The following PLXNA4 variants were observed in gnomAD, a reference collection of about 807,000 sequenced individuals.
PLXNA4 encodes the protein plexin-A4.
A neutral mutation model predicts 191.8 loss-of-function variants in PLXNA4; 44 were observed. The ratio of observed to expected loss-of-function variants is 0.23; its 90% CI spans 0.18 to 0.29. The LOEUF is 0.29. Among genes scored for constraint, PLXNA4 ranks in the 10% least tolerant of loss-of-function variants. The probability of loss-of-function intolerance (pLI) is 1.00; values close to 1 mark genes in which losing one functional copy is unlikely to be tolerated. For synonymous variants in PLXNA4, 1,082 were observed against 1,009.5 expected, an observed-to-expected ratio of 1.07 and a Z score of -1.36; for missense variants, 1,800 against 2,488.8, an observed-to-expected ratio of 0.72 and a Z score of 5.89.
At chr7:132,179,541 A>G in intron 20 of PLXNA4, 146 bp downstream of exon 20, 2 of 1,186,534 alleles carry the variant, frequency 1.7e-6, no homozygotes, top group Non-Finnish European at 2.3e-6. Context: ...ACAGACACAC[A>G]CACCGCCAGC....
intron 4 of PLXNA4, among the ~76,000 whole-genome samples, chr7:132,276,469 G>A (rs78595397): frequency 0.013 from 1,946 of 150,692 alleles, 35 homozygotes; most frequent in African/African-American, 0.045. Context: ...TTCCCTTGGC[G>A]CCCTGCCTGT....
chr7:132,327,162 A>C (rs1205917717), intron 3 of PLXNA4, among the ~76,000 whole-genome samples: 2 of 125,538 alleles, frequency 1.6e-5, no homozygotes, highest in Non-Finnish European at 3.2e-5. Flanking sequence ...GAGGGAGAAA[A>C]GGAAGGCAAA....
At chr7:132,227,858 G>A (rs1239393678) in intron 6 of PLXNA4, among the ~76,000 whole-genome samples, 1 of 152,186 alleles carries the variant, frequency 6.6e-6, no homozygotes, top group East Asian at 1.9e-4. Flanking sequence ...AAACAAGAAT[G>A]CTTAAGGGAT....
chr7:132,368,321 A>G (rs1195719463), intron 3 of PLXNA4, among the ~76,000 whole-genome samples: 7 of 152,182 alleles, frequency 4.6e-5, no homozygotes, highest in Admixed American at 4.6e-4. Context: ...ATGAGAGAAA[A>G]GAAAAGCAAC....
intron 2 of PLXNA4, among the ~76,000 whole-genome samples, chr7:132,491,323 G>C (rs1285694926): frequency 1.3e-5 from 2 of 152,202 alleles, no homozygotes; most frequent in South Asian, 4.1e-4. Context: ...TCTTGCCAGG[G>C]AGTGTGTGAA....
chr7:132,506,822 CCTGA>C (rs1708368495), intron 2 of PLXNA4, among the ~76,000 whole-genome samples: 1 of 152,220 alleles, frequency 6.6e-6, no homozygotes, highest in Non-Finnish European at 1.5e-5. Context: ...CCGGCTGCTT[CCTGA>C]CTTTCTCACA....
chr7:132,432,627 T>C (rs954515341), intron 3 of PLXNA4, among the ~76,000 whole-genome samples: 3 of 151,992 alleles, frequency 2.0e-5, no homozygotes, highest in Non-Finnish European at 4.4e-5. Context: ...ATTTCACAGA[T>C]GGAAAAACTG....
intron 2 of PLXNA4, among the ~76,000 whole-genome samples, chr7:132,644,882 A>T (rs1170865537): frequency 1.3e-5 from 2 of 152,152 alleles, no homozygotes; most frequent in Non-Finnish European, 2.9e-5. Flanking sequence ...TCTCTCTCAT[A>T]CTTCCCAAAC....
Position 132,490,018 on chromosome 7 carries a change from T to C in PLXNA4, c.1189-544A>G, listed in dbSNP as rs140730290. Among the ~76,000 whole-genome samples the C allele has an allele frequency of 4.1e-3, 618 of 152,218 alleles. 3 individuals carry two copies. The highest frequency in any genetic ancestry group is 0.014 in the African/African-American group (579 of 41,510). On this transcript the variant is annotated intron_variant, in intron 2 of 31. Transcript: ENST00000321063. ...GACTAGGGAACTGAAAACATTAGCA[T>C]GTAAGTAGCACTATCACAACAGAGG...
chr7:132,429,211 TCCAAGCCCCAGG>T (rs1795171722), intron 3 of PLXNA4, among the ~76,000 whole-genome samples: 1 of 152,168 alleles, frequency 6.6e-6, no homozygotes, highest in African/African-American at 2.4e-5. Flanking sequence ...AACTCAGGAC[TCCAAGCCCCAGG>T]CCAACACTTT....
chr7:132,164,487 C>T (rs751678), intron 23 of PLXNA4, among the ~76,000 whole-genome samples, 199 bp from the exon 24 acceptor site: 1,675 of 152,280 alleles, frequency 0.011, 32 homozygotes, highest in African/African-American at 0.038. Context: ...GCTCTTTGGA[C>T]CACAGGGTCT....
At chr7:132,460,331 CT>C (rs770340734) in intron 3 of PLXNA4, among the ~76,000 whole-genome samples, 64 of 151,618 alleles carry the variant, frequency 4.2e-4, no homozygotes, top group Non-Finnish European at 7.2e-4. Flanking sequence ...TGCCACTGCA[CT>C]CCAGCCTGGG....
At chr7:132,488,779 C>G (rs142456876) in intron 3 of PLXNA4, among the ~76,000 whole-genome samples, 87 of 152,270 alleles carry the variant, frequency 5.7e-4, no homozygotes, top group African/African-American at 2.0e-3. Flanking sequence ...TTTCATGTTC[C>G]CATTGCACCC....
At chr7:132,635,170 T>TTATATATATATATATATATATATATA (rs3037811) in intron 2 of PLXNA4, among the ~76,000 whole-genome samples, 5 of 131,816 alleles carry the variant, frequency 3.8e-5, no homozygotes, top group South Asian at 2.8e-4. Flanking sequence ...AAACTCCCCT[T>TTATATATATATATATATATATATATA]TATATATATA....
At chr7:132,159,991 C>T (rs77837598) in intron 24 of PLXNA4, among the ~76,000 whole-genome samples, 3,066 of 152,312 alleles carry the variant, frequency 0.02, 103 homozygotes, top group African/African-American at 0.07. Context: ...TGCATGCACA[C>T]GTGCTATCTC....
chr7:132,512,970 C>G (rs1248950357), intron 1 of PLXNA4, among the ~76,000 whole-genome samples: 1 of 152,190 alleles, frequency 6.6e-6, no homozygotes, highest in African/African-American at 2.4e-5. Context: ...CACGATTGCC[C>G]CAAAGGATTC....
chr7:132,176,775 TGTGTGTGTATGCTTGTCA>T (rs1796479967), intron 20 of PLXNA4, among the ~76,000 whole-genome samples: 1 of 151,722 alleles, frequency 6.6e-6, no homozygotes, highest in South Asian at 2.1e-4. Flanking sequence ...AGTGCATGAG[TGTGTGTGTATGCTTGTCA>T]GTGTGAGTGT....
At chr7:132,518,297 G>T (rs1379398091) in intron 1 of PLXNA4, among the ~76,000 whole-genome samples, 1 of 152,184 alleles carries the variant, frequency 6.6e-6, no homozygotes, top group Non-Finnish European at 1.5e-5. Context: ...ACCACTAGGG[G>T]GAAAAGTCAA....
At chr7:132,288,206 G>A (rs17817389) in intron 4 of PLXNA4, among the ~76,000 whole-genome samples, 5,712 of 152,268 alleles carry the variant, frequency 0.038, 164 homozygotes, top group Middle Eastern at 0.068. Context: ...TGATCACAAA[G>A]TGCAGTAGGA....
Sources: gnomAD v4.1 joint callset for allele counts (sites outside exome capture counted in the v4.1 genomes callset) on GRCh38, gnomAD v4.1.1 for gene constraint, MANE v1.5 for transcripts, NCBI Gene and HGNC (gene_info 2026-07-23, HGNC 2026-07-21) for gene names.